SPATA6: variants seen among roughly 807,000 people sequenced by gnomAD.
SPATA6 encodes the protein spermatogenesis-associated protein 6.
Under a neutral mutation model 65.3 loss-of-function variants are expected in SPATA6, and 56 were observed. The observed-to-expected ratio is 0.86, with a 90% CI of 0.69 to 1.07. The LOEUF (loss-of-function observed/expected upper bound fraction) is 1.07, where lower values mean the gene tolerates loss of function less well. Ranked by LOEUF, SPATA6 falls within the 50% of genes least tolerant of loss-of-function variation. The pLI, the probability that SPATA6 is intolerant of heterozygous loss-of-function variation, is 0.00. For missense variants in SPATA6, 590 were observed against 594.8 expected (o/e 0.99, Z 0.08); for synonymous variants, 199 against 213.2 (o/e 0.93, Z 0.58).
chr1:48,412,188 A>G (rs1383800354), intron 4 of SPATA6, among the ~76,000 whole-genome samples: 2 of 152,186 alleles, frequency 1.3e-5, no homozygotes, highest in African/African-American at 4.8e-5. Context: ...TAAAATAAAA[A>G]TTTGATTAAT....
intron 3 of SPATA6, among the ~76,000 whole-genome samples, chr1:48,440,089 T>A (rs1655321761): frequency 1.3e-5 from 2 of 151,996 alleles, no homozygotes; most frequent in South Asian, 4.1e-4. Flanking sequence ...CTCCCCTTCC[T>A]ATTAAAGATA....
At chr1:48,352,380 C>T (rs1318221725) in intron 11 of SPATA6, among the ~76,000 whole-genome samples, 1 of 151,974 alleles carries the variant, frequency 6.6e-6, no homozygotes, top group African/African-American at 2.4e-5. Flanking sequence ...CAGGATTTGG[C>T]CCATTTCATT....
intron 9 of SPATA6, among the ~76,000 whole-genome samples, chr1:48,384,932 A>T (rs142461404): frequency 6.6e-6 from 1 of 152,234 alleles, no homozygotes; most frequent in Non-Finnish European, 1.5e-5. Flanking sequence ...TGCAAATACT[A>T]CAAAAGTTAT....
At chr1:48,411,624 A>T in intron 4 of SPATA6, 36 bp from the exon 5 acceptor site, 1 of 1,468,520 alleles carries the variant, frequency 6.8e-7, no homozygotes, top group East Asian at 2.5e-5. Flanking sequence ...AAATTATAAT[A>T]AAATATTCTA....
chr1:48,418,446 T>C (rs1652984985), intron 3 of SPATA6, among the ~76,000 whole-genome samples: 1 of 143,348 alleles, frequency 7.0e-6, no homozygotes, highest in Non-Finnish European at 1.5e-5. Flanking sequence ...GGTAGCTCAC[T>C]CCTATAATCC....
intron 9 of SPATA6, among the ~76,000 whole-genome samples, chr1:48,362,282 A>C (rs1646838136): frequency 6.6e-6 from 1 of 152,136 alleles, no homozygotes; most frequent in Admixed American, 6.6e-5. Flanking sequence ...GAAAAGAAAG[A>C]AAAAGAAAGT....
chr1:48,357,584 C>T (rs1646694716), intron 10 of SPATA6, among the ~76,000 whole-genome samples: 1 of 151,988 alleles, frequency 6.6e-6, no homozygotes, highest in Non-Finnish European at 1.5e-5. Flanking sequence ...TCCAATTTTG[C>T]CTGGAACATA....
At chr1:48,281,184 CAAAA>C in the SPATA6 span, among the ~76,000 whole-genome samples, 24 of 152,122 alleles carry the variant, frequency 1.6e-4, no homozygotes, top group Non-Finnish European at 2.5e-4. Flanking sequence ...GGATGTATCT[CAAAA>C]TAATAAGAGC....
rs868555801 is a variant in SPATA6 at position 48,305,786 on chromosome 1, C to T, written c.1286+1G>A. The T allele has an allele frequency of 2.0e-5, 32 of 1,604,452 alleles. No individual in the cohort carries two copies. The Admixed American group carries it at 5.1e-4, about 25-fold the overall frequency. On this transcript the variant is annotated splice_donor_variant, in intron 12 of 12. Coordinates refer to ENST00000371847, the MANE Select transcript of SPATA6 (RefSeq NM_019073.4). LOFTEE classifies it high-confidence loss of function. ...AGGATATACATATATTTCATTCATA[C>T]CTATACTCGGGGTCACTGTCATAGG...
chr1:48,337,322 A>T (rs1271851891), intron 11 of SPATA6, among the ~76,000 whole-genome samples: 1 of 151,828 alleles, frequency 6.6e-6, no homozygotes, highest in Admixed American at 6.6e-5. Context: ...ATAAAACCTT[A>T]TATTTGTAAT....
chr1:48,363,213 T>C (rs1014876262), intron 9 of SPATA6, among the ~76,000 whole-genome samples: 1 of 152,144 alleles, frequency 6.6e-6, no homozygotes, highest in Non-Finnish European at 1.5e-5. Flanking sequence ...TTGATAAGAA[T>C]CCATTTCAAA....
At chr1:48,352,982 G>A (rs1646554852) in intron 11 of SPATA6, among the ~76,000 whole-genome samples, 1 of 150,094 alleles carries the variant, frequency 6.7e-6, no homozygotes, top group South Asian at 2.1e-4. Context: ...CAACCAAGAT[G>A]TTTTGAAGAA....
At chr1:48,469,812 G>T (rs528485913) in intron 1 of SPATA6, among the ~76,000 whole-genome samples, 1 of 151,678 alleles carries the variant, frequency 6.6e-6, no homozygotes, top group Non-Finnish European at 1.5e-5. Flanking sequence ...TTTTTTGTGG[G>T]GGGGGCGGTC....
At chr1:48,438,482 T>C (rs1017126397) in intron 3 of SPATA6, among the ~76,000 whole-genome samples, 2 of 152,170 alleles carry the variant, frequency 1.3e-5, no homozygotes, top group African/African-American at 4.8e-5. Context: ...TTGGCAGCAC[T>C]GGTTTGCTTG....
At chr1:48,400,759 C>T in intron 6 of SPATA6, 1 of 1,288,084 alleles carries the variant, frequency 7.8e-7, no homozygotes. Flanking sequence ...ATGGTCTATG[C>T]ATTTCATACA....
chr1:48,464,823 A>G (rs1237531196), intron 1 of SPATA6, among the ~76,000 whole-genome samples: 2 of 152,160 alleles, frequency 1.3e-5, no homozygotes, highest in Non-Finnish European at 2.9e-5. Flanking sequence ...TTCTGATAAT[A>G]TTCTAATTAT....
rs760889084 is a variant in SPATA6, at chr1:48,453,068, C to A, written c.115G>T (p.Gly39Cys). 6.2e-7 allele frequency: 1 copy of A among 1,613,808 alleles called. No homozygotes were observed. The highest frequency in any genetic ancestry group is 1.3e-5 in the African/African-American group (1 of 74,894). The change falls in exon 2 of 13, where the codon GGC (glycine) becomes TGC (cysteine). Residue 39 changes from glycine (G) to cysteine (C), a missense_variant. By Grantham distance (159) the Gly-to-Cys change is radical. Transcript: ENST00000371847. ...EDIYLSICVF[G>C]QYKKTQCVPA... is the part of the protein sequence containing the mutation. ...ACACATTGTGTCTTTTTGTATTGGCCAAACACACAGATGCTAAGATAGATG... is the reference window on the plus strand; with the variant it reads ...ACACATTGTGTCTTTTTGTATTGGCAAAACACACAGATGCTAAGATAGATG...
rs1651129834 is a variant in SPATA6 at position 48,401,218 on chromosome 1, T to C, written c.487-1574A>G. Among the ~76,000 whole-genome samples, 4 of 151,774 alleles carry C rather than the reference T, an allele frequency of 2.6e-5. No individual in the cohort carries two copies. The South Asian group carries it at 8.3e-4, about 31-fold the overall frequency. ...CCCCAAGTTCTTTACACATTTTTAATATCTCTTACCTCCAGACCCAACTAA... is the reference window on the plus strand; with the variant it reads ...CCCCAAGTTCTTTACACATTTTTAACATCTCTTACCTCCAGACCCAACTAA... On this transcript the variant is annotated intron_variant, in intron 6 of 12. Coordinates refer to ENST00000371847, the MANE Select transcript of SPATA6 (RefSeq NM_019073.4).
At chr1:48,313,682 T>A (rs1373766016) in intron 11 of SPATA6, among the ~76,000 whole-genome samples, 3 of 152,040 alleles carry the variant, frequency 2.0e-5, no homozygotes, top group African/African-American at 2.4e-5. Flanking sequence ...AGGATCAAAT[T>A]CACACATAAC....
Sources: gnomAD v4.1 joint callset for allele counts (sites outside exome capture counted in the v4.1 genomes callset) on GRCh38, gnomAD v4.1.1 for gene constraint, MANE v1.5 for transcripts, NCBI Gene and HGNC (gene_info 2026-07-23, HGNC 2026-07-21) for gene names.